The following COL6A6 variants were observed in gnomAD, a reference collection of about 807,000 sequenced individuals.
COL6A6 encodes collagen type VI alpha 6 chain.
Under a neutral mutation model 208.6 loss-of-function variants are expected in COL6A6, and 183 were observed. The observed-to-expected ratio is 0.88, with a 90% CI of 0.78 to 0.99. The LOEUF (loss-of-function observed/expected upper bound fraction) is 0.99. Ranked by LOEUF, COL6A6 falls within the 50% of genes least tolerant of loss-of-function variation. The pLI is 0.00. For missense variants in COL6A6, 2,816 were observed against 2,815.2 expected, an observed-to-expected ratio of 1.00 and a Z score of -0.01; for synonymous variants, 973 against 1,011.8, an observed-to-expected ratio of 0.96 and a Z score of 0.73.
At chr3:130,549,267 A>C (rs560622614) in intron 1 of COL6A6, among the ~76,000 whole-genome samples, 1 of 152,126 alleles carries the variant, frequency 6.6e-6, no homozygotes, top group Non-Finnish European at 1.5e-5. Context: ...CCTCCTGGGC[A>C]CAAGTACTTC....
In COL6A6 at chr3:130,541,131, C is replaced by T. The variant is rs76855247; in HGVS notation, c.-31-19203C>T. On this transcript the variant is annotated intron_variant, in intron 1 of 36. Transcript: ENST00000358511. Reference sequence around the variant, plus strand: ...CAAATTTACAAGGAAAAAAACAACCCCATTAAAACGTGGGCAAAGGACATG... The same window carrying T: ...CAAATTTACAAGGAAAAAAACAACCTCATTAAAACGTGGGCAAAGGACATG... 4.7e-3 allele frequency among the ~76,000 whole-genome samples: 714 copies of T among 152,206 alleles called. 11 individuals carry two copies. The highest frequency in any genetic ancestry group is 0.016 in the African/African-American group (662 of 41,524).
intron 3 of COL6A6, 107 bp from the exon 4 acceptor site, chr3:130,564,887 C>G: frequency 8.0e-7 from 1 of 1,248,762 alleles, no homozygotes; most frequent in Non-Finnish European, 1.1e-6. Context: ...ACCTCCTTCT[C>G]TAAGTGCATA....
At position 130,667,962 on chromosome 3, in the gene COL6A6, T is replaced by TA. The variant is rs1210529657; in HGVS notation, c.6596+2867dup. Among the ~76,000 whole-genome samples the TA allele has an allele frequency of 4.6e-5, 7 of 150,752 alleles. No individual in the cohort carries two copies. The East Asian group carries it at 1.4e-3, about 29-fold the overall frequency. On this transcript the variant is annotated intron_variant, in intron 36 of 36. Transcript: ENST00000358511. ...ATAAATTAGCTAACTACCAAAAATCTAGTGAGGGAAAATAGGATAAAAAAA... is the reference window on the plus strand; with the variant it reads ...ATAAATTAGCTAACTACCAAAAATCTAAGTGAGGGAAAATAGGATAAAAAAA...
chr3:130,649,212 C>T lies in COL6A6; in HGVS notation c.5383C>T (p.Pro1795Ser). 4 of 1,592,176 alleles carry T rather than the reference C, an allele frequency of 2.5e-6. No individual in the cohort carries two copies. The highest frequency in any genetic ancestry group is 1.7e-4 in the Middle Eastern group (1 of 6,030). Residue 1795 changes from proline to serine, a missense_variant, in exon 33 of 37, where the codon CCC (proline) becomes TCC (serine). By Grantham distance (74) the Pro-to-Ser change is moderately conservative. Coordinates refer to ENST00000358511, the MANE Select transcript of COL6A6 (RefSeq NM_001102608.3). ...RDIKVRENSC[P>S]VGAHIAILSY... ...CATTAAGGTCCGGGAGAACAGCTGCCCCGTGGGAGCGCACATCGCCATCCT... is the reference window on the plus strand; with the variant it reads ...CATTAAGGTCCGGGAGAACAGCTGCTCCGTGGGAGCGCACATCGCCATCCT...
At chr3:130,592,142 T>TGA (rs1303153630) in intron 13 of COL6A6, among the ~76,000 whole-genome samples, 2 of 152,126 alleles carry the variant, frequency 1.3e-5, no homozygotes, top group Admixed American at 1.3e-4. Context: ...GTCAAAATTA[T>TGA]GGGAGTGTTT....
chr3:130,621,195 T>C (rs1191098632), intron 23 of COL6A6, among the ~76,000 whole-genome samples: 1 of 152,322 alleles, frequency 6.6e-6, no homozygotes, highest in East Asian at 1.9e-4. Context: ...TTCTTTAGGT[T>C]TTGCATCTTT....
At chr3:130,541,027 T>C (rs1386755253) in intron 1 of COL6A6, among the ~76,000 whole-genome samples, 5 of 152,192 alleles carry the variant, frequency 3.3e-5, no homozygotes, top group Non-Finnish European at 1.5e-5. Flanking sequence ...TGCCCAGTAA[T>C]GGGATTGCTG....
chr3:130,575,921 T>C (rs1032816816), intron 8 of COL6A6, among the ~76,000 whole-genome samples: 5 of 152,046 alleles, frequency 3.3e-5, no homozygotes, highest in Admixed American at 1.3e-4. Context: ...AGGCTAAGTA[T>C]GTCTCTATTC....
Position 130,660,238 on chromosome 3 carries a change from G to A in COL6A6, c.5831-1399G>A, listed in dbSNP as rs552948807. Among the ~76,000 whole-genome samples the A allele has an allele frequency of 4.0e-3, 616 of 152,318 alleles. 4 individuals carry two copies. The highest frequency in any genetic ancestry group is 6.5e-3 in the Non-Finnish European group (439 of 68,016). ...AAATCCTACAAAACTGAGCAAATGGGCAGCCTGCTGTCCCTGATTTTAGAA... is the reference window on the plus strand; with the variant it reads ...AAATCCTACAAAACTGAGCAAATGGACAGCCTGCTGTCCCTGATTTTAGAA... On this transcript the variant is annotated intron_variant, in intron 34 of 36. Coordinates refer to ENST00000358511, the MANE Select transcript of COL6A6 (RefSeq NM_001102608.3).
chr3:130,534,847 G>A (rs2062186523), intron 1 of COL6A6, among the ~76,000 whole-genome samples: 1 of 152,056 alleles, frequency 6.6e-6, no homozygotes, highest in South Asian at 2.1e-4. Context: ...AAATCTAGAA[G>A]TAGATTTTTT....
chr3:130,563,696 A>T, intron 3 of COL6A6, 32 bp downstream of exon 3: 6 of 1,424,968 alleles, frequency 4.2e-6, no homozygotes, highest in Non-Finnish European at 5.8e-6. Flanking sequence ...AGGAATGATG[A>T]TAAAACGCTT....
chr3:130,666,909 C>T (rs2066088968), intron 36 of COL6A6, among the ~76,000 whole-genome samples: 1 of 151,948 alleles, frequency 6.6e-6, no homozygotes, highest in South Asian at 2.1e-4. Flanking sequence ...TGGGGAAATG[C>T]AGGACACCAA....
intron 36 of COL6A6, among the ~76,000 whole-genome samples, chr3:130,673,388 C>T (rs939745505): frequency 1.3e-5 from 2 of 150,366 alleles, no homozygotes; most frequent in Admixed American, 6.6e-5. Flanking sequence ...ACAATTTTTT[C>T]GTAACAAAGA....
chr3:130,588,291 A>G (rs547450622), intron 11 of COL6A6, among the ~76,000 whole-genome samples: 7 of 152,264 alleles, frequency 4.6e-5, no homozygotes, highest in Non-Finnish European at 1.0e-4. Context: ...ACTTCACAAT[A>G]CAAAGATTGG....
intron 1 of COL6A6, among the ~76,000 whole-genome samples, chr3:130,547,444 C>T (rs1464444066): frequency 5.3e-5 from 8 of 152,226 alleles, no homozygotes; most frequent in African/African-American, 9.6e-5. Flanking sequence ...TGTGCCTCTC[C>T]CTCCACACCT....
In COL6A6 at chr3:130,560,405, A is replaced by C. The variant is rs369546804; in HGVS notation, c.41A>C (p.His14Pro). The C allele has an allele frequency of 6.2e-7, 1 of 1,611,930 alleles. No homozygotes were observed. Among genetic ancestry groups the C allele is most frequent in the Non-Finnish European group, 8.5e-7 (1 of 1,179,164 alleles). Residue 14 changes from histidine (H) to proline (P), a missense_variant, in exon 2 of 37, where the codon CAT becomes CCT. His to Pro is a moderately conservative substitution (Grantham distance 77). Coordinates refer to ENST00000358511, the MANE Select transcript of COL6A6 (RefSeq NM_001102608.3). ...TTGTTCCTCGTGATAATTTGTTCCC[A>C]TATTTCTGTGAACCAAGATTCCGGT... ...LILFLVIICS[H>P]ISVNQDSGPE...
chr3:130,643,939 T>A (rs752925308), intron 31 of COL6A6, among the ~76,000 whole-genome samples: 3 of 152,182 alleles, frequency 2.0e-5, no homozygotes, highest in African/African-American at 7.2e-5. Context: ...CATGTATACA[T>A]TGAGTCATGA....
chr3:130,610,689 G>A lies in COL6A6; in HGVS notation c.4793G>A (p.Gly1598Asp), dbSNP rs1426286824. ...GEAGVKGEKGGVGSKGPQGPP... is the reference protein window; with the variant it reads ...GEAGVKGEKGDVGSKGPQGPP... The stretch of plus-strand genomic sequence containing the variant: ...GCTGGTGTGAAAGGAGAAAAAGGAG[G>A]TGTGGGAAGTAAAGGTCCCCAGGTA... Residue 1598 changes from glycine (G) to aspartate (D), a missense_variant, in exon 23 of 37, where the codon GGT becomes GAT. By Grantham distance (94) the Gly-to-Asp change is moderately conservative (BLOSUM62 -1). Coordinates refer to ENST00000358511, the MANE Select transcript of COL6A6 (RefSeq NM_001102608.3). The A allele has an allele frequency of 2.5e-6, 4 of 1,591,330 alleles. No homozygotes were observed. Among genetic ancestry groups the A allele is most frequent in the Non-Finnish European group, 2.6e-6 (3 of 1,168,184 alleles).
intron 1 of COL6A6, among the ~76,000 whole-genome samples, chr3:130,545,729 T>C (rs2062479742): frequency 6.6e-6 from 1 of 152,224 alleles, no homozygotes; most frequent in Non-Finnish European, 1.5e-5. Context: ...AGTGCTGGGA[T>C]TACAGGCGTG....
Sources: gnomAD v4.1 joint callset for allele counts (sites outside exome capture counted in the v4.1 genomes callset) on GRCh38, gnomAD v4.1.1 for gene constraint, MANE v1.5 for transcripts, NCBI Gene and HGNC (gene_info 2026-07-23, HGNC 2026-07-21) for gene names.